The following UGGT2 variants were observed in gnomAD, a reference collection of about 807,000 sequenced individuals.
UGGT2 encodes the protein UDP-glucose:glycoprotein glucosyltransferase 2.
A neutral mutation model predicts 192.1 loss-of-function variants in UGGT2; 180 were observed. That is an observed-to-expected ratio of 0.94 (90% CI 0.83 to 1.06). The LOEUF is 1.06. Ranked by LOEUF, UGGT2 falls within the 50% of genes least tolerant of loss-of-function variation. UGGT2 has a pLI of 0.00. For synonymous variants in UGGT2, 580 were observed against 591.0 expected (o/e 0.98, Z 0.27); for missense variants, 1,849 against 1,795.7 (o/e 1.03, Z -0.54).
Position 95,999,289 on chromosome 13 carries a change from T to G in UGGT2, c.679A>C (p.Met227Leu). ...TCCACACCATACCCAGATAAGTACATTTTCCGTGAGCTTGGTTTCTGTTCA... is the reference window on the plus strand; with the variant it reads ...TCCACACCATACCCAGATAAGTACAGTTTCCGTGAGCTTGGTTTCTGTTCA... ...HYIQKPSSRKMYLSGYGVELA... is the reference protein window; with the variant it reads ...HYIQKPSSRKLYLSGYGVELA... Residue 227 changes from methionine (M) to leucine (L), a missense_variant, in exon 6 of 39, where the codon ATG becomes CTG. Met to Leu is a conservative substitution (Grantham distance 15). Coordinates refer to ENST00000376747, the MANE Select transcript of UGGT2 (RefSeq NM_020121.4). 1 of 1,613,562 alleles carries G rather than the reference T, an allele frequency of 6.2e-7. No homozygotes were observed.
chr13:95,983,219 A>T (rs2051182164), intron 10 of UGGT2, among the ~76,000 whole-genome samples: 1 of 152,196 alleles, frequency 6.6e-6, no homozygotes, highest in African/African-American at 2.4e-5. Flanking sequence ...TTGGCTTTAA[A>T]TACAGGTAAG....
Position 96,006,552 on chromosome 13 carries a change from A to C in UGGT2, c.660+6755T>G, listed in dbSNP as rs564737069. ...GGCAAGAGAATCGCTTGAACCCAGG[A>C]GGCGGAGGCTGCAGTGAGCTGAGAT... is the stretch of plus-strand genomic sequence containing the variant. On this transcript the variant is annotated intron_variant, in intron 5 of 38. Coordinates refer to ENST00000376747, the MANE Select transcript of UGGT2 (RefSeq NM_020121.4). 5.9e-4 allele frequency among the ~76,000 whole-genome samples: 82 copies of C among 137,866 alleles called. 3 individuals carry two copies. In the South Asian group the frequency reaches 0.019, roughly 32 times the overall value. 90.4% of individuals were successfully genotyped at this position (137,866 alleles called of 152,430 possible).
intron 17 of UGGT2, among the ~76,000 whole-genome samples, chr13:95,928,943 G>A (rs574285073): frequency 1.4e-4 from 21 of 152,288 alleles, no homozygotes; most frequent in East Asian, 5.8e-4. Context: ...CTGCAATCCC[G>A]GCACCTCGGG....
intron 5 of UGGT2, among the ~76,000 whole-genome samples, chr13:96,002,851 T>C (rs2139025019): frequency 6.6e-6 from 1 of 152,284 alleles, no homozygotes; most frequent in African/African-American, 2.4e-5. Flanking sequence ...AGAATAACTG[T>C]AGAATGATGT....
chr13:96,021,376 A>G (rs2052510290), intron 4 of UGGT2, among the ~76,000 whole-genome samples: 2 of 152,196 alleles, frequency 1.3e-5, no homozygotes, highest in African/African-American at 2.4e-5. Context: ...ATAAATTTTA[A>G]ACATTACAAA....
chr13:95,977,120 C>CA (rs1444504945), intron 10 of UGGT2, among the ~76,000 whole-genome samples: 2 of 152,178 alleles, frequency 1.3e-5, no homozygotes, highest in Non-Finnish European at 2.9e-5. Flanking sequence ...TAGGCAATAT[C>CA]ATTCAGGACA....
chr13:95,868,707 A>C (rs1890916414), intron 29 of UGGT2, among the ~76,000 whole-genome samples: 3 of 152,202 alleles, frequency 2.0e-5, no homozygotes, highest in Non-Finnish European at 4.4e-5. Context: ...AACACTACTT[A>C]AGGGCATTGA....
Position 95,970,175 on chromosome 13 carries a change from TA to T in UGGT2, c.1271del (p.Leu424Ter). ...ATTCCCAAATGTGTGAATTTAATTT[TA>T]AAAATTTGCTCATATCTTCCCCATT... ...GINGEDMSKF[L>X]KLNSHIWEYT... On this transcript the variant is annotated frameshift_variant, in exon 12 of 39. Coordinates refer to ENST00000376747, the MANE Select transcript of UGGT2 (RefSeq NM_020121.4). LOFTEE classifies it high-confidence loss of function. 1 of 1,611,992 alleles carries T rather than the reference TA, an allele frequency of 6.2e-7. No homozygotes were observed. The highest frequency in any genetic ancestry group is 1.7e-4 in the Middle Eastern group (1 of 6,048).
intron 12 of UGGT2, among the ~76,000 whole-genome samples, chr13:95,963,849 T>C (rs1429825678): frequency 2.0e-5 from 3 of 151,720 alleles, no homozygotes; most frequent in Non-Finnish European, 4.4e-5. Flanking sequence ...CAAGAAAAAA[T>C]TGAAAAAGAC....
At chr13:96,040,403 C>T (rs2053130851) in intron 1 of UGGT2, among the ~76,000 whole-genome samples, 1 of 152,108 alleles carries the variant, frequency 6.6e-6, no homozygotes, top group African/African-American at 2.4e-5. Context: ...GTCTTCTCTG[C>T]TTCTGTCTCT....
chr13:95,972,635 C>A lies in UGGT2; in HGVS notation c.1129G>T (p.Ala377Ser). The A allele has an allele frequency of 6.2e-7, 1 of 1,613,800 alleles. No individual in the cohort carries two copies. The highest frequency in any genetic ancestry group is 8.5e-7 in the Non-Finnish European group (1 of 1,179,830). The change falls in exon 11 of 39, where the codon GCT becomes TCT. Residue 377 changes from alanine (A) to serine (S), a missense_variant. Coordinates refer to ENST00000376747, the MANE Select transcript of UGGT2 (RefSeq NM_020121.4). ...QVRFKIQPGD[A>S]RLFINGLRVD... ...CGAAGGCCATTTATAAATAGACGAG[C>A]ATCGCCTGGCTGAATTTTAAATCTA...
At chr13:95,829,642 T>A (rs1189389224) in intron 38 of UGGT2, among the ~76,000 whole-genome samples, 1 of 152,106 alleles carries the variant, frequency 6.6e-6, no homozygotes, top group African/African-American at 2.4e-5. Context: ...CAAAGAGAAC[T>A]ACAAACCACT....
intron 36 of UGGT2, among the ~76,000 whole-genome samples, chr13:95,848,577 A>AC (rs1279719269): frequency 2.0e-5 from 3 of 152,122 alleles, no homozygotes; most frequent in Non-Finnish European, 2.9e-5. Context: ...TCCTCTGTCA[A>AC]AGATTGGGTG....
chr13:95,898,030 A>G (rs2047996382), intron 22 of UGGT2, among the ~76,000 whole-genome samples: 1 of 152,038 alleles, frequency 6.6e-6, no homozygotes, highest in African/African-American at 2.4e-5. Context: ...GTTCTCTCAC[A>G]TCTCACACCA....
chr13:95,801,960 G>A, intron 38 of UGGT2, 148 bp from the exon 39 acceptor site: 6 of 812,504 alleles, frequency 7.4e-6, no homozygotes, highest in East Asian at 2.7e-5. Flanking sequence ...TACGCAACAC[G>A]AGAATAGCTC....
intron 35 of UGGT2, 128 bp from the exon 36 acceptor site, chr13:95,853,785 T>G: frequency 1.8e-6 from 1 of 565,314 alleles, no homozygotes; most frequent in Non-Finnish European, 2.9e-6. Flanking sequence ...CAATTAATCC[T>G]TTCATAAATT....
chr13:96,023,955 A>C (rs544080), intron 2 of UGGT2, among the ~76,000 whole-genome samples, 196 bp from the exon 3 acceptor site: 54,160 of 151,996 alleles, frequency 0.36, 10,506 homozygotes, highest in East Asian at 0.45. Context: ...GTAATGTCCA[A>C]GTAATCAACA....
chr13:95,862,890 T>C (rs908119615), intron 31 of UGGT2, among the ~76,000 whole-genome samples: 12 of 152,092 alleles, frequency 7.9e-5, no homozygotes, highest in African/African-American at 2.9e-4. Flanking sequence ...CGAGACAGGG[T>C]CTCACTCTGT....
rs111472012 is a variant in UGGT2, at chr13:96,052,472, G to GAA, written c.158+681_158+682dup. 6.1e-3 allele frequency among the ~76,000 whole-genome samples: 874 copies of GAA among 142,326 alleles called. 1 individual carries two copies. The highest frequency in any genetic ancestry group is 0.014 in the Admixed American group (205 of 14,276). 93.4% of individuals were successfully genotyped at this position (142,326 alleles called of 152,430 possible). On this transcript the variant is annotated intron_variant, in intron 1 of 38. Transcript: ENST00000376747. The stretch of plus-strand genomic sequence containing the variant: ...CTGTTCCCCAATAAACTATAGAAAT[G>GAA]AAAAAAAAAAAGAACTTTTAGCATC...
Sources: allele counts gnomAD v4.1 joint callset (sites outside exome capture counted in the v4.1 genomes callset), GRCh38; gene constraint gnomAD v4.1.1; transcripts MANE v1.5; gene names NCBI Gene and HGNC (gene_info 2026-07-23, HGNC 2026-07-21).